PDGFRL: variants seen among roughly 807,000 people sequenced by gnomAD.
The protein encoded by PDGFRL is platelet-derived growth factor receptor-like protein.
A neutral mutation model predicts 37.2 loss-of-function variants in PDGFRL; 46 were observed. That is an observed-to-expected ratio of 1.24 (90% CI 0.98 to 1.58). The LOEUF (loss-of-function observed/expected upper bound fraction) is 1.58, where lower values mean the gene tolerates loss of function less well. PDGFRL is among the 40% of genes most tolerant of loss of function. The probability of loss-of-function intolerance (pLI) is 0.00; values close to 1 mark genes in which losing one functional copy is unlikely to be tolerated. For synonymous variants in PDGFRL, 251 were observed against 184.3 expected (o/e 1.36, Z -2.93); for missense variants, 692 against 467.6 (o/e 1.48, Z -4.43).
chr8:17,597,053 C>T (rs1454996196), intron 2 of PDGFRL, among the ~76,000 whole-genome samples: 4 of 152,110 alleles, frequency 2.6e-5, no homozygotes, highest in African/African-American at 4.8e-5. Flanking sequence ...CAAAGTCTTG[C>T]TCTGTCGCCT....
chr8:17,612,235 A>AG (rs2129723321), intron 2 of PDGFRL, among the ~76,000 whole-genome samples: 1 of 152,338 alleles, frequency 6.6e-6, no homozygotes, highest in African/African-American at 2.4e-5. Context: ...GTATTTAAAT[A>AG]CACATGAGCC....
chr8:17,608,597 G>A (rs918308984), intron 2 of PDGFRL, among the ~76,000 whole-genome samples: 5 of 152,186 alleles, frequency 3.3e-5, no homozygotes, highest in African/African-American at 1.2e-4. Flanking sequence ...GTCTGCTGAG[G>A]AGAATGCACG....
intron 2 of PDGFRL, among the ~76,000 whole-genome samples, chr8:17,598,067 C>T (rs1439396371): frequency 6.6e-6 from 1 of 152,054 alleles, no homozygotes; most frequent in Admixed American, 6.6e-5. Flanking sequence ...ATAACTTGAT[C>T]TCATGGTTCA....
At chr8:17,612,639 G>A (rs971231296) in intron 2 of PDGFRL, among the ~76,000 whole-genome samples, 3 of 152,140 alleles carry the variant, frequency 2.0e-5, no homozygotes, top group African/African-American at 7.2e-5. Flanking sequence ...CCAAAGTGCT[G>A]GGATTACAGA....
At chr8:17,630,609 C>A (rs558345543) in intron 4 of PDGFRL, among the ~76,000 whole-genome samples, 1 of 152,178 alleles carries the variant, frequency 6.6e-6, no homozygotes, top group Non-Finnish European at 1.5e-5. Flanking sequence ...AGCTCTGAGT[C>A]GGAGGCCACA....
chr8:17,615,315 A>AGTGTGT (rs35076150), intron 2 of PDGFRL, among the ~76,000 whole-genome samples: 1 of 151,498 alleles, frequency 6.6e-6, no homozygotes. Context: ...GTGATTTGGG[A>AGTGTGT]GTGTGTGTGT....
chr8:17,633,475 C>T (rs1003374285), intron 4 of PDGFRL, among the ~76,000 whole-genome samples: 11 of 152,230 alleles, frequency 7.2e-5, no homozygotes, highest in African/African-American at 2.6e-4. Context: ...TTGCAGTGAG[C>T]CGAGATCGCG....
Position 17,582,922 on chromosome 8 carries a change from G to A in PDGFRL, c.55+5615G>A, listed in dbSNP as rs115012767. On this transcript the variant is annotated intron_variant, in intron 1 of 5. Coordinates refer to ENST00000251630, the MANE Select transcript of PDGFRL (RefSeq NM_001372073.1). ...CTGCTCTTCTGCCGTGCACCACCTC[G>A]GGATGCTACTGCCCCTATCTCAGGT... 3.0e-3 allele frequency among the ~76,000 whole-genome samples: 463 copies of A among 152,174 alleles called. 2 individuals are homozygous for A. Among genetic ancestry groups the A allele is most frequent in the African/African-American group, 0.011 (444 of 41,490 alleles).
At chr8:17,641,805 G>C (rs1278366645) in intron 5 of PDGFRL, among the ~76,000 whole-genome samples, 2 of 151,156 alleles carry the variant, frequency 1.3e-5, no homozygotes, top group Non-Finnish European at 2.9e-5. Context: ...CTGTCTCTGG[G>C]GAATAGTGTT....
intron 2 of PDGFRL, among the ~76,000 whole-genome samples, chr8:17,603,490 C>T (rs1018360964): frequency 7.9e-5 from 12 of 152,288 alleles, no homozygotes; most frequent in African/African-American, 2.9e-4. Flanking sequence ...GGTTTTACCT[C>T]CAGACTCAGT....
In PDGFRL at chr8:17,626,865, A is replaced by G. The variant is rs544386117; in HGVS notation, c.506-1622A>G. 4.6e-5 allele frequency among the ~76,000 whole-genome samples: 7 copies of G among 152,344 alleles called. No individual in the cohort carries two copies. In the South Asian group the frequency reaches 1.4e-3, roughly 32 times the overall value. ...CCCATTTCAGTAAGATAAAAATGCC[A>G]TCATCTGAGCTTAAAGAACCAGGCA... On this transcript the variant is annotated intron_variant, in intron 3 of 5. Coordinates refer to ENST00000251630, the MANE Select transcript of PDGFRL (RefSeq NM_001372073.1).
intron 2 of PDGFRL, among the ~76,000 whole-genome samples, chr8:17,607,837 G>A (rs752702771): frequency 1.3e-4 from 20 of 152,238 alleles, no homozygotes; most frequent in Non-Finnish European, 2.6e-4. Context: ...AGGAATAAAG[G>A]ATAAGATGTA....
At chr8:17,585,389 T>C (rs150649362) in intron 1 of PDGFRL, among the ~76,000 whole-genome samples, 8 of 152,156 alleles carry the variant, frequency 5.3e-5, no homozygotes, top group African/African-American at 1.4e-4. Flanking sequence ...TCTCTGACAG[T>C]AGGTGGGTTT....
chr8:17,610,922 C>G (rs188746767), intron 2 of PDGFRL, among the ~76,000 whole-genome samples: 1 of 146,366 alleles, frequency 6.8e-6, no homozygotes, highest in African/African-American at 2.5e-5. Context: ...AAAAATTACA[C>G]GAGAATTGAT....
rs527741226 is a variant in PDGFRL at position 17,641,174 on chromosome 8, G to C, written c.940-1439G>C. ...CTAGGCAGTGGATGAGCAGGGTTGA[G>C]AACTTGTCCCAGGCTACCAGCCTCT... is the stretch of plus-strand genomic sequence containing the variant. On this transcript the variant is annotated intron_variant, in intron 5 of 5. Coordinates refer to ENST00000251630, the MANE Select transcript of PDGFRL (RefSeq NM_001372073.1). Among the ~76,000 whole-genome samples, 2 of 152,164 alleles carry C rather than the reference G, an allele frequency of 1.3e-5. 1 individual carries two copies. Among genetic ancestry groups the C allele is most frequent in the South Asian group, 4.1e-4 (2 of 4,828 alleles).
chr8:17,583,992 C>T (rs73561244), intron 1 of PDGFRL, among the ~76,000 whole-genome samples: 15,324 of 152,140 alleles, frequency 0.1, 1,219 homozygotes, highest in South Asian at 0.26. Context: ...GCCACATAGA[C>T]GGCCGAAGGA....
chr8:17,606,529 A>G (rs1804280797), intron 2 of PDGFRL, among the ~76,000 whole-genome samples: 2 of 152,188 alleles, frequency 1.3e-5, no homozygotes, highest in African/African-American at 4.8e-5. Flanking sequence ...GACCTAACCA[A>G]TGCTGAAGGT....
At chr8:17,629,599 C>A (rs1247484942) in intron 4 of PDGFRL, among the ~76,000 whole-genome samples, 1 of 152,170 alleles carries the variant, frequency 6.6e-6, no homozygotes, top group Non-Finnish European at 1.5e-5. Flanking sequence ...TCCTGTCACT[C>A]CCATGCATTC....
At chr8:17,640,855 T>TCTTC (rs1376787504) in intron 5 of PDGFRL, among the ~76,000 whole-genome samples, 3 of 152,124 alleles carry the variant, frequency 2.0e-5, no homozygotes, top group African/African-American at 7.2e-5. Flanking sequence ...ATGTCCTTTG[T>TCTTC]CTTCGGCTAC....
Sources: gnomAD v4.1 joint callset for allele counts (sites outside exome capture counted in the v4.1 genomes callset) on GRCh38, gnomAD v4.1.1 for gene constraint, MANE v1.5 for transcripts, NCBI Gene and HGNC (gene_info 2026-07-23, HGNC 2026-07-21) for gene names.